Variants in PPP2CB observed in about 807,000 individuals in gnomAD.
The protein encoded by PPP2CB is serine/threonine-protein phosphatase 2A catalytic subunit beta isoform.
A neutral mutation model predicts 39.1 loss-of-function variants in PPP2CB; 18 were observed. The ratio of observed to expected loss-of-function variants is 0.46; its 90% CI spans 0.32 to 0.68. PPP2CB has a LOEUF of 0.68. Ranked by LOEUF, PPP2CB falls within the 30% of genes least tolerant of loss-of-function variation. PPP2CB has a pLI of 0.04. For missense variants in PPP2CB, 226 were observed against 396.9 expected (o/e 0.57, Z 3.66); for synonymous variants, 129 against 133.8 (o/e 0.96, Z 0.25).
In PPP2CB at chr8:30,812,818, C is replaced by T. The variant is rs184896622; in HGVS notation, c.-397G>A. ...TCCCGACTTGTCTTTCCCCTTCTCT[C>T]GCTCTTTCTCTCCCCTCCCTCCGGG... is the stretch of plus-strand genomic sequence containing the variant. On this transcript the variant is annotated 5_prime_UTR_variant, in exon 1 of 7. Transcript: ENST00000221138. The T allele has an allele frequency of 2.2e-5, 10 of 458,796 alleles. No individual in the cohort carries two copies. Among genetic ancestry groups the T allele is most frequent in the Non-Finnish European group, 3.1e-5 (7 of 228,628 alleles). 28.4% of individuals were successfully genotyped at this position (458,796 alleles called of 1,614,324 possible). A position where few individuals can be genotyped will look rare whatever the true frequency, so the allele number is the denominator to read the frequency against.
intron 1 of PPP2CB, among the ~76,000 whole-genome samples, chr8:30,805,312 C>A (rs1364892165): frequency 6.6e-6 from 1 of 152,200 alleles, no homozygotes; most frequent in Admixed American, 6.5e-5. Context: ...GCAATCCCAG[C>A]ACTTTGGGAG....
intron 2 of PPP2CB, among the ~76,000 whole-genome samples, chr8:30,798,496 T>A (rs1356521262): frequency 6.6e-6 from 1 of 152,238 alleles, no homozygotes; most frequent in African/African-American, 2.4e-5. Flanking sequence ...GGGCAGCATT[T>A]TTGTTAACAG....
rs1229631163 is a variant in PPP2CB, at chr8:30,793,801, C to T, written c.738+116G>A. On this transcript the variant is annotated intron_variant, in intron 5 of 6. Transcript: ENST00000221138. ...ACTTGCTAAAACCAGCAAGTTTTTC[C>T]TCTTTTCACCTAGGTAATAAATGGT... 5 of 1,230,474 alleles carry T rather than the reference C, an allele frequency of 4.1e-6. No homozygotes were observed. The East Asian group carries it at 7.9e-5, about 19-fold the overall frequency. The allele number at this position is 1,230,474 out of a possible 1,614,324, so 76.2% of individuals were successfully genotyped here.
Position 30,791,269 on chromosome 8 carries a change from G to C in PPP2CB, c.785C>G (p.Ala262Gly). The C allele has an allele frequency of 6.2e-7, 1 of 1,612,502 alleles. No individual in the cohort carries two copies. The highest frequency in any genetic ancestry group is 8.5e-7 in the Non-Finnish European group (1 of 1,179,618). Reference sequence around the variant, plus strand: ...CCCACAACGATAACAGTAATTGGGTGCACTGAAAATGGTAACCACATTCCG... The same window carrying C: ...CCCACAACGATAACAGTAATTGGGTCCACTGAAAATGGTAACCACATTCCG... Reference protein sequence around the residue: ...HDRNVVTIFSAPNYCYRCGNQ... With the variant: ...HDRNVVTIFSGPNYCYRCGNQ... The change falls in exon 6 of 7, where the codon GCA (alanine) becomes GGA (glycine). Residue 262 changes from alanine (A) to glycine (G), a missense_variant. This residue lies in a region of PPP2CB where 56 missense variants were observed against 92.0 expected (regional missense o/e 0.61). Coordinates refer to ENST00000221138, the MANE Select transcript of PPP2CB (RefSeq NM_001009552.2).
intron 1 of PPP2CB, among the ~76,000 whole-genome samples, chr8:30,800,936 G>A (rs772940144): frequency 6.6e-6 from 1 of 152,206 alleles, no homozygotes; most frequent in Non-Finnish European, 1.5e-5. Flanking sequence ...GCCTGGCGCG[G>A]TGGCTCATGC....
In PPP2CB at chr8:30,799,569, C is replaced by A. The variant is rs1425432240; in HGVS notation, c.289G>T (p.Val97Leu). ...VDRGYYSVET[V>L]TLLVALKVRY... Reference sequence around the variant, plus strand: ...ACCTTTAATGCTACAAGAAGAGTCACAGTCTCCACTGAATAATATCCTCTG... The same window carrying A: ...ACCTTTAATGCTACAAGAAGAGTCAAAGTCTCCACTGAATAATATCCTCTG... Residue 97 changes from valine (V) to leucine (L), a missense_variant, in exon 2 of 7, where the codon GTG becomes TTG. Transcript: ENST00000221138. The A allele has an allele frequency of 6.2e-7, 1 of 1,612,902 alleles. No individual in the cohort carries two copies. Among genetic ancestry groups the A allele is most frequent in the East Asian group, 2.2e-5 (1 of 44,850 alleles).
intron 6 of PPP2CB, among the ~76,000 whole-genome samples, chr8:30,790,803 G>A (rs1806416369): frequency 6.6e-6 from 1 of 152,166 alleles, no homozygotes; most frequent in South Asian, 2.1e-4. Context: ...CACAGCCCCA[G>A]CCCTGGGAGC....
chr8:30,791,378 T>TA (rs896314316), intron 5 of PPP2CB, 63 bp from the exon 6 acceptor site: 72 of 1,209,650 alleles, frequency 6.0e-5, no homozygotes, highest in Non-Finnish European at 6.9e-5. Context: ...CAGACACATT[T>TA]AAAAAAAACT....
chr8:30,806,083 T>C (rs1806720015), intron 1 of PPP2CB, among the ~76,000 whole-genome samples: 1 of 150,516 alleles, frequency 6.6e-6, no homozygotes, highest in South Asian at 2.1e-4. Context: ...AGTCTCCCTC[T>C]GTCACCCAGG....
At chr8:30,799,900 A>G (rs1806592363) in intron 1 of PPP2CB, 145 bp from the exon 2 acceptor site, 1 of 646,340 alleles carries the variant, frequency 1.5e-6, no homozygotes, top group African/African-American at 1.8e-5. Context: ...CTTTCATTAG[A>G]AAGGCTATAA....
In PPP2CB at chr8:30,812,379, C is replaced by G; in HGVS notation, c.43G>C (p.Glu15Gln). The G allele has an allele frequency of 6.4e-7, 1 of 1,562,088 alleles. No homozygotes were observed. The highest frequency in any genetic ancestry group is 8.7e-7 in the Non-Finnish European group (1 of 1,151,242). ...AFTKELDQWVEQLNECKQLNE... is the reference protein window; with the variant it reads ...AFTKELDQWVQQLNECKQLNE... ...AGCTGCTTACACTCGTTCAGCTGCT[C>G]GACCCACTGGTCCAGCTCCTTGGTG... The change falls in exon 1 of 7, where the codon GAG (glutamate) becomes CAG (glutamine). Residue 15 changes from glutamate (E) to glutamine (Q), a missense_variant. Physicochemically the swap from Glu to Gln is conservative, Grantham distance 29. This residue lies in a region of PPP2CB where 59 missense variants were observed against 42.6 expected (regional missense o/e 1.38). Transcript: ENST00000221138.
intron 5 of PPP2CB, among the ~76,000 whole-genome samples, chr8:30,792,930 T>C (rs1308157621): frequency 1.3e-5 from 2 of 152,204 alleles, no homozygotes; most frequent in Non-Finnish European, 2.9e-5. Flanking sequence ...TTGTTTCTAC[T>C]GGGCTGGCGA....
intron 1 of PPP2CB, among the ~76,000 whole-genome samples, chr8:30,805,831 G>T (rs1405461086): frequency 1.3e-5 from 2 of 152,124 alleles, no homozygotes; most frequent in Admixed American, 6.5e-5. Context: ...CGCAAGTCAG[G>T]AATCTCAGGT....
At chr8:30,786,954 C>T (rs913095255) in intron 6 of PPP2CB, among the ~76,000 whole-genome samples, 7 of 152,098 alleles carry the variant, frequency 4.6e-5, no homozygotes, top group African/African-American at 9.7e-5. Flanking sequence ...CGTGAGCCAC[C>T]GCGCCAGGCC....
chr8:30,798,662 G>A (rs754646806), intron 2 of PPP2CB, among the ~76,000 whole-genome samples: 1 of 152,214 alleles, frequency 6.6e-6, no homozygotes, highest in East Asian at 1.9e-4. Flanking sequence ...AGTGACCCAT[G>A]ACCATGTAAT....
Position 30,789,390 on chromosome 8 carries a change from T to A in PPP2CB, c.857+1807A>T, listed in dbSNP as rs116686525. On this transcript the variant is annotated intron_variant, in intron 6 of 6. Transcript: ENST00000221138. The stretch of plus-strand genomic sequence containing the variant: ...CTGAGGGGCTGTCTCTGGGTAGGCA[T>A]AAGCCACTTACTGATCAAAGATTGT... Among the ~76,000 whole-genome samples the A allele has an allele frequency of 7.8e-3, 1,185 of 152,332 alleles. 14 individuals are homozygous for A. The highest frequency in any genetic ancestry group is 0.027 in the African/African-American group (1,108 of 41,582).
chr8:30,793,392 T>C (rs1806469379), intron 5 of PPP2CB: 1 of 152,406 alleles, frequency 6.6e-6, no homozygotes, highest in Non-Finnish European at 1.5e-5. Flanking sequence ...ATTTTGCTAT[T>C]AAAGACATTA....
At chr8:30,805,669 G>A (rs1449591262) in intron 1 of PPP2CB, among the ~76,000 whole-genome samples, 4 of 152,058 alleles carry the variant, frequency 2.6e-5, no homozygotes, top group Non-Finnish European at 5.9e-5. Flanking sequence ...ATTCAAATAA[G>A]CTTTTTTCTA....
At chr8:30,804,770 G>A (rs1231326910) in intron 1 of PPP2CB, among the ~76,000 whole-genome samples, 1 of 152,086 alleles carries the variant, frequency 6.6e-6, no homozygotes, top group Non-Finnish European at 1.5e-5. Context: ...AACTTTTGAA[G>A]ATGGTGTCAG....
Sources: allele counts gnomAD v4.1 joint callset (sites outside exome capture counted in the v4.1 genomes callset), GRCh38; gene constraint gnomAD v4.1.1; regional missense constraint gnomAD v4.1.1; transcripts MANE v1.5; gene names NCBI Gene and HGNC (gene_info 2026-07-23, HGNC 2026-07-21).